Variants in COBL observed in about 807,000 individuals in gnomAD.
COBL encodes protein cordon-bleu.
A neutral mutation model predicts 98.8 loss-of-function variants in COBL; 51 were observed. The observed-to-expected ratio is 0.52, with a 90% CI of 0.41 to 0.65. The LOEUF (loss-of-function observed/expected upper bound fraction) is 0.65, where lower values mean the gene tolerates loss of function less well. Among genes scored for constraint, COBL ranks in the 30% least tolerant of loss-of-function variants. COBL has a pLI of 0.00. For synonymous variants in COBL, 634 were observed against 651.7 expected (o/e 0.97, Z 0.41); for missense variants, 1,617 against 1,617.5 (o/e 1.00, Z 0.01).
intron 1 of COBL, chr7:51,259,792 C>T (rs559812596): frequency 3.3e-4 from 247 of 751,400 alleles, no homozygotes; most frequent in South Asian, 1.1e-3. Context: ...TTTTTAGGTT[C>T]TGGGGGGTGA....
chr7:51,272,873 G>C (rs1486183990), intron 1 of COBL, among the ~76,000 whole-genome samples: 1 of 152,080 alleles, frequency 6.6e-6, no homozygotes, highest in Non-Finnish European at 1.5e-5. Flanking sequence ...TGCAGGTAAA[G>C]ACAACTTAAT....
intron 4 of COBL, 52 bp downstream of exon 4, chr7:51,190,798 C>A: frequency 6.9e-7 from 1 of 1,448,044 alleles, no homozygotes; most frequent in Non-Finnish European, 9.7e-7. Context: ...CATGTACACG[C>A]CGCGCATCCG....
At position 51,294,961 on chromosome 7, in the gene COBL, A is replaced by C. The variant is rs375701521; in HGVS notation, c.41+21632T>G. ...TAGGGGCAAGGGGAGGGAGAGCATT[A>C]GGACAAATACCTAATGCATGAGGGG... On this transcript the variant is annotated intron_variant, in intron 1 of 12. Transcript: ENST00000265136. Among the ~76,000 whole-genome samples, 8 of 152,064 alleles carry C rather than the reference A, an allele frequency of 5.3e-5. 1 individual carries two copies. Among genetic ancestry groups the C allele is most frequent in the Non-Finnish European group, 7.4e-5 (5 of 68,010 alleles).
chr7:51,110,206 T>C lies in COBL; in HGVS notation c.958-24902A>G, dbSNP rs142846868. 3.2e-3 allele frequency among the ~76,000 whole-genome samples: 488 copies of C among 152,328 alleles called. 1 individual carries two copies. The highest frequency in any genetic ancestry group is 0.011 in the African/African-American group (466 of 41,576). ...CTATGCTACCAAACACTAGAACTTA[T>C]TCCTTCGACCTAATTGAACTTTTAT... On this transcript the variant is annotated intron_variant, in intron 6 of 12. Transcript: ENST00000265136.
chr7:51,075,502 G>T (rs1202984210), intron 7 of COBL, among the ~76,000 whole-genome samples: 1 of 152,198 alleles, frequency 6.6e-6, no homozygotes, highest in Non-Finnish European at 1.5e-5. Context: ...TAATTAGGAA[G>T]TGATGAGTTT....
intron 1 of COBL, among the ~76,000 whole-genome samples, chr7:51,237,615 T>C (rs1048319553): frequency 6.6e-6 from 1 of 150,708 alleles, no homozygotes; most frequent in Non-Finnish European, 1.5e-5. Context: ...TTTTTGCCAC[T>C]AGCTTTTGAA....
chr7:51,091,925 C>T (rs1019145375), intron 6 of COBL, among the ~76,000 whole-genome samples: 1 of 152,222 alleles, frequency 6.6e-6, no homozygotes, highest in African/African-American at 2.4e-5. Context: ...ATCAAGGATA[C>T]TTAAAAACTT....
chr7:51,291,481 C>T (rs998636968), intron 1 of COBL, among the ~76,000 whole-genome samples: 3 of 152,158 alleles, frequency 2.0e-5, no homozygotes, highest in African/African-American at 7.2e-5. Context: ...CTTTATCAAG[C>T]CAGGCATGGT....
chr7:51,024,458 C>T (rs1293369130), intron 12 of COBL, among the ~76,000 whole-genome samples: 2 of 152,298 alleles, frequency 1.3e-5, no homozygotes, highest in South Asian at 2.1e-4. Context: ...AATTGAAACA[C>T]GTCTCAGAAG....
chr7:51,157,136 C>T (rs535287006), intron 5 of COBL, among the ~76,000 whole-genome samples: 1 of 152,128 alleles, frequency 6.6e-6, no homozygotes, highest in African/African-American at 2.4e-5. Flanking sequence ...TTTGAAAGGC[C>T]GAGGCAGGCG....
At chr7:51,270,134 G>C (rs1405668320) in intron 1 of COBL, among the ~76,000 whole-genome samples, 2 of 152,188 alleles carry the variant, frequency 1.3e-5, no homozygotes, top group Non-Finnish European at 1.5e-5. Flanking sequence ...CCTGTGACAG[G>C]AGCTGAATCT....
intron 6 of COBL, among the ~76,000 whole-genome samples, chr7:51,105,208 G>C (rs1335242843): frequency 6.6e-6 from 1 of 152,024 alleles, no homozygotes; most frequent in African/African-American, 2.4e-5. Context: ...GCCATTAAAA[G>C]TCTCGCTTCT....
At chr7:51,249,906 A>G (rs978307775) in intron 1 of COBL, among the ~76,000 whole-genome samples, 1 of 152,154 alleles carries the variant, frequency 6.6e-6, no homozygotes, top group African/African-American at 2.4e-5. Flanking sequence ...GTTCGAGACC[A>G]GCCTGGCCAA....
chr7:51,209,071 A>AC (rs1792144795), intron 2 of COBL, among the ~76,000 whole-genome samples: 1 of 149,732 alleles, frequency 6.7e-6, no homozygotes, highest in African/African-American at 2.5e-5. Flanking sequence ...AAAAAAAAAA[A>AC]ACATTTGCAA....
At chr7:51,308,181 G>C (rs138858933) in intron 1 of COBL, among the ~76,000 whole-genome samples, 1 of 152,316 alleles carries the variant, frequency 6.6e-6, no homozygotes, top group Non-Finnish European at 1.5e-5. Flanking sequence ...AGTGGATTTT[G>C]CACTTAATTA....
chr7:51,284,275 T>C (rs1350172006), intron 1 of COBL, among the ~76,000 whole-genome samples: 3 of 150,834 alleles, frequency 2.0e-5, no homozygotes, highest in Non-Finnish European at 2.9e-5. Flanking sequence ...CACTCCAGCC[T>C]GGGCAACAGA....
At chr7:51,176,398 A>G (rs1584061099) in intron 5 of COBL, among the ~76,000 whole-genome samples, 1 of 152,018 alleles carries the variant, frequency 6.6e-6, no homozygotes, top group East Asian at 1.9e-4. Flanking sequence ...ATATATATGT[A>G]TACACACACA....
intron 7 of COBL, among the ~76,000 whole-genome samples, chr7:51,062,256 C>A (rs2089489064): frequency 6.7e-6 from 1 of 149,526 alleles, no homozygotes; most frequent in South Asian, 2.1e-4. Context: ...GCTGCAGTAA[C>A]AACAGTTCAT....
At chr7:51,090,667 C>T (rs921564257) in intron 6 of COBL, among the ~76,000 whole-genome samples, 17 of 152,196 alleles carry the variant, frequency 1.1e-4, no homozygotes, top group African/African-American at 4.1e-4. Flanking sequence ...CAGCACAGCT[C>T]AGTGCAATCA....
Sources: allele counts gnomAD v4.1 joint callset (sites outside exome capture counted in the v4.1 genomes callset), GRCh38; gene constraint gnomAD v4.1.1; transcripts MANE v1.5; gene names NCBI Gene and HGNC (gene_info 2026-07-23, HGNC 2026-07-21).